The following METTL4 variants were observed in gnomAD, a reference collection of about 807,000 sequenced individuals.
The protein encoded by METTL4 is N(6)-adenine-specific methyltransferase METTL4.
In METTL4, 40 loss-of-function variants were observed where a neutral mutation model predicts 54.0. The observed-to-expected ratio is 0.74, with a 90% CI of 0.58 to 0.96. The LOEUF (loss-of-function observed/expected upper bound fraction) is 0.96. METTL4 is among the 50% of genes least tolerant of loss of function. METTL4 has a pLI of 0.00. For missense variants in METTL4, 525 were observed against 549.0 expected, an observed-to-expected ratio of 0.96 and a Z score of 0.44; for synonymous variants, 169 against 183.8, an observed-to-expected ratio of 0.92 and a Z score of 0.65.
rs1426928918 is a variant in METTL4, at chr18:2,554,710, A to C, written c.788T>G (p.Phe263Cys). The C allele has an allele frequency of 1.2e-6, 2 of 1,609,692 alleles. No individual in the cohort carries two copies. Among genetic ancestry groups the C allele is most frequent in the Non-Finnish European group, 1.7e-6 (2 of 1,178,930 alleles). ...CATACAAGAAATGTCAGATAAAAGA[A>C]AACTGCTTTTCGGTGGTAGCAGGTA... The part of the protein sequence containing the change: ...QKYLLPPKSS[F>C]LLSDISCMQP... Residue 263 changes from phenylalanine to cysteine, a missense_variant, in exon 4 of 9, where the codon TTT (phenylalanine) becomes TGT (cysteine). Physicochemically the swap from Phe to Cys is radical, Grantham distance 205. Transcript: ENST00000574538.
chr18:2,543,347 T>C (rs977206789), intron 8 of METTL4, among the ~76,000 whole-genome samples: 1 of 152,220 alleles, frequency 6.6e-6, no homozygotes, highest in Admixed American at 6.5e-5. Context: ...ATAAAATATG[T>C]ATTCCTGAAG....
chr18:2,551,199 A>G (rs2072155294), intron 5 of METTL4, among the ~76,000 whole-genome samples: 1 of 151,484 alleles, frequency 6.6e-6, no homozygotes, highest in South Asian at 2.1e-4. Flanking sequence ...TATTATATCA[A>G]TGTTGATTAC....
intron 8 of METTL4, among the ~76,000 whole-genome samples, chr18:2,541,522 T>C (rs1036722306): frequency 6.6e-6 from 1 of 152,328 alleles, no homozygotes; most frequent in African/African-American, 2.4e-5. Context: ...TAAGGTAAAA[T>C]GTGAAAGCTA....
intron 3 of METTL4, among the ~76,000 whole-genome samples, chr18:2,556,863 A>G (rs2072246648): frequency 6.6e-6 from 1 of 152,096 alleles, no homozygotes; most frequent in Non-Finnish European, 1.5e-5. Context: ...GAAGAGGAGG[A>G]GGAGGAATCC....
chr18:2,538,095 A>T lies in METTL4; in HGVS notation c.*905T>A, dbSNP rs534138776. 8 of 395,824 alleles carry T rather than the reference A, an allele frequency of 2.0e-5. No homozygotes were observed. The South Asian group carries it at 9.9e-4, about 49-fold the overall frequency. 24.5% of individuals were successfully genotyped at this position (395,824 alleles called of 1,614,324 possible). A position where few individuals can be genotyped will look rare whatever the true frequency, so the allele number is the denominator to read the frequency against. Reference sequence around the variant, plus strand: ...AATTTTTAAAAAGTCAATACATAATAAATCAATATGCATTTCAAAGAATCA... The same window carrying T: ...AATTTTTAAAAAGTCAATACATAATTAATCAATATGCATTTCAAAGAATCA... On this transcript the variant is annotated 3_prime_UTR_variant, in exon 9 of 9. Coordinates refer to ENST00000574538, the MANE Select transcript of METTL4 (RefSeq NM_022840.5).
chr18:2,544,799 C>T, intron 6 of METTL4, 40 bp from the exon 7 acceptor site: 1 of 1,365,734 alleles, frequency 7.3e-7, no homozygotes, highest in Non-Finnish European at 1.0e-6. Context: ...TATTTTTTCC[C>T]ATCACTATAG....
rs186883092 is a variant in METTL4, at chr18:2,566,009, T to C, written c.396+812A>G. Among the ~76,000 whole-genome samples the C allele has an allele frequency of 6.3e-3, 929 of 146,710 alleles. 6 individuals carry two copies. Among genetic ancestry groups the C allele is most frequent in the Non-Finnish European group, 0.01 (696 of 67,260 alleles). ...TTGCAGTGAGCTGAGATAGCACCAC[T>C]GCACTCCAGCTTGGGTGACAGAGCA... On this transcript the variant is annotated intron_variant, in intron 2 of 8. Coordinates refer to ENST00000574538, the MANE Select transcript of METTL4 (RefSeq NM_022840.5).
chr18:2,550,900 C>G (rs2072145246), intron 5 of METTL4, among the ~76,000 whole-genome samples: 1 of 152,054 alleles, frequency 6.6e-6, no homozygotes, highest in Non-Finnish European at 1.5e-5. Context: ...CGCGGTGGCT[C>G]ACGCCTGTAA....
intron 2 of METTL4, among the ~76,000 whole-genome samples, chr18:2,566,219 C>T (rs2072416583): frequency 6.6e-6 from 1 of 151,872 alleles, no homozygotes. Flanking sequence ...TTAATTTGAT[C>T]CTGTATGGCA....
At chr18:2,551,163 C>CA (rs752257490) in intron 5 of METTL4, among the ~76,000 whole-genome samples, 6,233 of 48,262 alleles carry the variant, frequency 0.13, 618 homozygotes, top group African/African-American at 0.26. Context: ...GACTCCGTCT[C>CA]AAAAAAAAAA....
chr18:2,545,952 T>G (rs1050601696), intron 6 of METTL4, among the ~76,000 whole-genome samples: 1 of 152,136 alleles, frequency 6.6e-6, no homozygotes, highest in African/African-American at 2.4e-5. Context: ...TTAGTTTCTA[T>G]GTATTAACAT....
intron 5 of METTL4, among the ~76,000 whole-genome samples, chr18:2,550,978 C>T (rs537873493): frequency 6.7e-6 from 1 of 150,338 alleles, no homozygotes; most frequent in Non-Finnish European, 1.5e-5. Context: ...TCCTGGCTAA[C>T]ATGGTGAAAC....
chr18:2,544,807 T>C (rs754348389), intron 6 of METTL4, 48 bp from the exon 7 acceptor site: 8 of 1,227,532 alleles, frequency 6.5e-6, no homozygotes, highest in Non-Finnish European at 9.5e-6. Flanking sequence ...CCCATCACTA[T>C]AGAGCTTCCA....
chr18:2,544,604 G>T, intron 7 of METTL4, 49 bp downstream of exon 7: 1 of 1,154,258 alleles, frequency 8.7e-7, no homozygotes, highest in Non-Finnish European at 1.3e-6. Flanking sequence ...ATTTTTAAAA[G>T]CGTAAAAATT....
intron 2 of METTL4, among the ~76,000 whole-genome samples, chr18:2,565,519 A>T (rs1401357453): frequency 2.6e-5 from 4 of 152,038 alleles, no homozygotes; most frequent in South Asian, 2.1e-4. Flanking sequence ...AATTAAAATT[A>T]AAAAAAAGAA....
chr18:2,548,458 C>T (rs1424381830), intron 5 of METTL4, among the ~76,000 whole-genome samples: 3 of 152,194 alleles, frequency 2.0e-5, no homozygotes, highest in Non-Finnish European at 4.4e-5. Flanking sequence ...TCATCCTCAA[C>T]ATATTCAATA....
In METTL4 at chr18:2,547,470, G is replaced by A. The variant is rs146491060; in HGVS notation, c.959C>T (p.Pro320Leu). Residue 320 changes from proline to leucine, a missense_variant, in exon 6 of 9, where the codon CCA (proline) becomes CTA (leucine). Coordinates refer to ENST00000574538, the MANE Select transcript of METTL4 (RefSeq NM_022840.5). The part of the protein sequence containing the change: ...QQIPIPKLAA[P>L]NCLLVTWVTN... ...CACCCAAGTAACAAGAAGACAGTTT[G>A]GAGCAGCCAATTTAGGGATAGGTAT... The A allele has an allele frequency of 1.4e-5, 23 of 1,611,578 alleles. No individual in the cohort carries two copies. In the African/African-American group the frequency reaches 2.9e-4, roughly 21 times the overall value.
At chr18:2,558,068 A>T (rs908096081) in intron 3 of METTL4, among the ~76,000 whole-genome samples, 5 of 152,214 alleles carry the variant, frequency 3.3e-5, no homozygotes, top group Non-Finnish European at 5.9e-5. Flanking sequence ...AACTAACTTT[A>T]TCTGACATTC....
chr18:2,539,851 T>A (rs199857175), intron 8 of METTL4: 48 of 825,232 alleles, frequency 5.8e-5, no homozygotes, highest in Non-Finnish European at 5.9e-5. Flanking sequence ...ACAACCCATT[T>A]AAAAAAAAAA....
Sources: gnomAD v4.1 joint callset for allele counts (sites outside exome capture counted in the v4.1 genomes callset) on GRCh38, gnomAD v4.1.1 for gene constraint, MANE v1.5 for transcripts, NCBI Gene and HGNC (gene_info 2026-07-23, HGNC 2026-07-21) for gene names.